RCAN2: variants seen among roughly 807,000 people sequenced by gnomAD.
The protein encoded by RCAN2 is calcipressin-2.
RCAN2 carries 9 observed loss-of-function variants against 23.6 expected under a neutral mutation model. The observed-to-expected ratio is 0.38, with a 90% confidence interval of 0.23 to 0.67. RCAN2 has a LOEUF of 0.67. Ranked by LOEUF, RCAN2 falls within the 30% of genes least tolerant of loss-of-function variation. The pLI, the probability that RCAN2 is intolerant of heterozygous loss-of-function variation, is 0.51. For synonymous variants in RCAN2, 109 were observed against 115.7 expected (o/e 0.94, Z 0.37); for missense variants, 273 against 302.3 (o/e 0.90, Z 0.72).
chr6:46,280,062 A>C (rs1377037195), intron 2 of RCAN2, among the ~76,000 whole-genome samples: 1 of 152,156 alleles, frequency 6.6e-6, no homozygotes, highest in African/African-American at 2.4e-5. Flanking sequence ...TAGAACTAGG[A>C]ACAGAATCCA....
chr6:46,326,172 T>C (rs1180207991), intron 2 of RCAN2, among the ~76,000 whole-genome samples: 1 of 152,042 alleles, frequency 6.6e-6, no homozygotes, highest in African/African-American at 2.4e-5. Flanking sequence ...TTAGGGAGCA[T>C]GGTAAGAGGA....
chr6:46,454,827 A>T (rs1767973517), intron 2 of RCAN2, among the ~76,000 whole-genome samples: 1 of 152,238 alleles, frequency 6.6e-6, no homozygotes, highest in South Asian at 2.1e-4. Flanking sequence ...ATATCAAAAT[A>T]GATGTGTACA....
At chr6:46,405,374 C>T (rs1766369512) in intron 2 of RCAN2, among the ~76,000 whole-genome samples, 1 of 152,178 alleles carries the variant, frequency 6.6e-6, no homozygotes, top group South Asian at 2.1e-4. Context: ...CTGGCTTGGG[C>T]AGCCTGCTTT....
intron 2 of RCAN2, among the ~76,000 whole-genome samples, chr6:46,266,065 T>C (rs1216930254): frequency 6.6e-6 from 1 of 152,122 alleles, no homozygotes; most frequent in Admixed American, 6.5e-5. Context: ...AAATATGCAT[T>C]ATCTCAGGTC....
chr6:46,348,373 C>T (rs1472988783), intron 2 of RCAN2, among the ~76,000 whole-genome samples: 1 of 152,170 alleles, frequency 6.6e-6, no homozygotes, highest in Middle Eastern at 3.2e-3. Flanking sequence ...CAACAGCCAG[C>T]CGTCCGTCTG....
chr6:46,413,592 G>A (rs576409165), intron 2 of RCAN2, among the ~76,000 whole-genome samples: 5 of 152,212 alleles, frequency 3.3e-5, no homozygotes, highest in Admixed American at 6.5e-5. Flanking sequence ...AAGCCTGTAC[G>A]AGTATATGAT....
At chr6:46,302,916 A>C (rs1582083934) in intron 2 of RCAN2, among the ~76,000 whole-genome samples, 1 of 152,198 alleles carries the variant, frequency 6.6e-6, no homozygotes, top group Middle Eastern at 3.4e-3. Flanking sequence ...TCACATAGAC[A>C]GTAAGTATTA....
At chr6:46,249,408 T>G (rs1384308431) in intron 2 of RCAN2, among the ~76,000 whole-genome samples, 1 of 146,628 alleles carries the variant, frequency 6.8e-6, no homozygotes, top group Non-Finnish European at 1.5e-5. Flanking sequence ...AACCCCCGCC[T>G]CCTGGATTCA....
At chr6:46,291,424 GCCACC>G (rs879828339) in intron 2 of RCAN2, among the ~76,000 whole-genome samples, 14 of 151,836 alleles carry the variant, frequency 9.2e-5, no homozygotes, top group Non-Finnish European at 1.6e-4. Flanking sequence ...GCTGTGGAGT[GCCACC>G]GAGTCCCAGC....
chr6:46,244,362 G>A (rs1262185004), intron 4 of RCAN2, among the ~76,000 whole-genome samples: 1 of 151,660 alleles, frequency 6.6e-6, no homozygotes, highest in East Asian at 1.9e-4. Flanking sequence ...CGTCCCTTCC[G>A]GGGCCTAATT....
rs146753268 is a variant in RCAN2, at chr6:46,440,592, A to T, written c.225+16160T>A. On this transcript the variant is annotated intron_variant, in intron 2 of 4. Coordinates refer to ENST00000371374, the MANE Select transcript of RCAN2 (RefSeq NM_001251974.2). The stretch of plus-strand genomic sequence containing the variant: ...GAAAGTTTGAAGAGCTAATTCAGAA[A>T]AATATCTTATATTACATATATACAT... Among the ~76,000 whole-genome samples, 358 of 152,188 alleles carry T rather than the reference A, an allele frequency of 2.4e-3. 1 individual carries two copies. The highest frequency in any genetic ancestry group is 4.0e-3 in the Non-Finnish European group (272 of 67,996).
chr6:46,239,123 G>T (rs1380849842), intron 4 of RCAN2, among the ~76,000 whole-genome samples: 5 of 152,152 alleles, frequency 3.3e-5, no homozygotes, highest in Non-Finnish European at 7.4e-5. Flanking sequence ...TCATCCTGAG[G>T]CAAGAGAAAA....
intron 1 of RCAN2, among the ~76,000 whole-genome samples, chr6:46,489,783 A>G (rs1356932425): frequency 6.6e-6 from 1 of 152,228 alleles, no homozygotes; most frequent in Admixed American, 6.5e-5. Flanking sequence ...CTCAGGTAGT[A>G]GATGCTCAGT....
At chr6:46,249,955 T>C (rs1766653640) in intron 2 of RCAN2, among the ~76,000 whole-genome samples, 1 of 152,194 alleles carries the variant, frequency 6.6e-6, no homozygotes, top group South Asian at 2.1e-4. Flanking sequence ...GATTTGAGAA[T>C]TATTTTATTC....
At chr6:46,314,660 C>CCATA (rs1275284133) in intron 2 of RCAN2, among the ~76,000 whole-genome samples, 1 of 152,162 alleles carries the variant, frequency 6.6e-6, no homozygotes, top group Non-Finnish European at 1.5e-5. Flanking sequence ...TGAAACAAGT[C>CCATA]CATAACTCCA....
chr6:46,230,949 C>G (rs1039829458), intron 4 of RCAN2, among the ~76,000 whole-genome samples: 3 of 152,194 alleles, frequency 2.0e-5, no homozygotes, highest in African/African-American at 7.2e-5. Context: ...ATGAGGAACA[C>G]TGATAATGCA....
intron 2 of RCAN2, among the ~76,000 whole-genome samples, chr6:46,268,288 T>C (rs900693351): frequency 5.9e-5 from 9 of 152,206 alleles, no homozygotes; most frequent in Admixed American, 3.3e-4. Flanking sequence ...CATTATCTCA[T>C]TGGTAACTCC....
At chr6:46,318,866 T>C (rs115892505) in intron 2 of RCAN2, among the ~76,000 whole-genome samples, 3,882 of 152,216 alleles carry the variant, frequency 0.026, 166 homozygotes, top group African/African-American at 0.085. Flanking sequence ...ATCGAACCTT[T>C]TCTAGGGAAG....
chr6:46,238,455 A>G (rs1201875084), intron 4 of RCAN2, among the ~76,000 whole-genome samples: 1 of 152,202 alleles, frequency 6.6e-6, no homozygotes, highest in Non-Finnish European at 1.5e-5. Context: ...AGACCCAAGG[A>G]TGCTAAATGT....
Sources: allele counts gnomAD v4.1 joint callset (sites outside exome capture counted in the v4.1 genomes callset), GRCh38; gene constraint gnomAD v4.1.1; transcripts MANE v1.5; gene names NCBI Gene and HGNC (gene_info 2026-07-23, HGNC 2026-07-21).